PPP1R1C: variants seen among roughly 807,000 people sequenced by gnomAD.
PPP1R1C encodes the protein protein phosphatase 1 regulatory inhibitor subunit 1C.
PPP1R1C carries 15 observed loss-of-function variants against 17.4 expected under a neutral mutation model. The observed-to-expected ratio is 0.86, with a 90% CI of 0.58 to 1.33. The LOEUF (loss-of-function observed/expected upper bound fraction) is 1.33, where lower values mean the gene tolerates loss of function less well. Ranked by LOEUF, PPP1R1C falls within the 40% of genes most tolerant of loss-of-function variation. The pLI is 0.00. For synonymous variants in PPP1R1C, 35 were observed against 43.1 expected (o/e 0.81, Z 0.73); for missense variants, 143 against 130.0 (o/e 1.10, Z -0.48).
intron 2 of PPP1R1C, among the ~76,000 whole-genome samples, chr2:182,057,364 T>C (rs965337478): frequency 6.6e-6 from 1 of 152,036 alleles, no homozygotes; most frequent in Non-Finnish European, 1.5e-5. Context: ...AGGAGAGACA[T>C]GAATTGGGAA....
chr2:181,982,100 A>C (rs1685204043), upstream of PPP1R1C, among the ~76,000 whole-genome samples: 1 of 152,232 alleles, frequency 6.6e-6, no homozygotes, highest in African/African-American at 2.4e-5. Flanking sequence ...TACATTAAAA[A>C]GTTTAAAAAT....
intron 2 of PPP1R1C, among the ~76,000 whole-genome samples, chr2:182,004,805 G>T (rs1333624535): frequency 6.6e-6 from 1 of 152,210 alleles, no homozygotes; most frequent in Admixed American, 6.5e-5. Flanking sequence ...TGAGTGCATA[G>T]AGATTTAGTG....
intron 1 of PPP1R1C, among the ~76,000 whole-genome samples, chr2:181,956,050 C>A (rs1396791914): frequency 5.9e-5 from 9 of 152,148 alleles, no homozygotes; most frequent in Admixed American, 5.2e-4. Flanking sequence ...CACCTCCCCG[C>A]CGCCACCCCT....
chr2:182,077,594 T>C (rs542937299), intron 4 of PPP1R1C, among the ~76,000 whole-genome samples: 1 of 152,336 alleles, frequency 6.6e-6, no homozygotes, highest in South Asian at 2.1e-4. Flanking sequence ...AATTACTCAA[T>C]AGACCAGAGC....
At chr2:182,092,227 A>G (rs908615376) in intron 4 of PPP1R1C, among the ~76,000 whole-genome samples, 22 of 152,214 alleles carry the variant, frequency 1.4e-4, no homozygotes, top group African/African-American at 5.1e-4. Context: ...AGCAGCAGAC[A>G]GAAAGAGAAC....
intron 4 of PPP1R1C, among the ~76,000 whole-genome samples, chr2:182,111,320 CT>C (rs1388715658): frequency 6.6e-6 from 1 of 152,052 alleles, no homozygotes; most frequent in African/African-American, 2.4e-5. Flanking sequence ...CACGTTTATT[CT>C]TCTGCAAAGA....
intron 4 of PPP1R1C, among the ~76,000 whole-genome samples, chr2:182,098,248 C>A (rs1689001024): frequency 6.6e-6 from 1 of 152,042 alleles, no homozygotes; most frequent in African/African-American, 2.4e-5. Flanking sequence ...TGCATTTGTA[C>A]TTGTAGAAAT....
chr2:182,067,056 G>A (rs927789617), intron 4 of PPP1R1C, among the ~76,000 whole-genome samples: 4 of 151,666 alleles, frequency 2.6e-5, no homozygotes, highest in Admixed American at 1.3e-4. Flanking sequence ...TGATTTAAAC[G>A]GAAATTGGAA....
chr2:182,115,260 A>G (rs1293140084), intron 4 of PPP1R1C, among the ~76,000 whole-genome samples: 1 of 152,184 alleles, frequency 6.6e-6, no homozygotes, highest in Non-Finnish European at 1.5e-5. Flanking sequence ...GATAAATCCT[A>G]GAGAATGATG....
chr2:181,961,401 G>C lies in PPP1R1C; in HGVS notation n.111+6767G>C. ...TGTTCAGCAGAGCCTCGTACTCCCCGATCTGGTGCTGTCCCTCTGCCCGGC... is the reference window on the plus strand; with the variant it reads ...TGTTCAGCAGAGCCTCGTACTCCCCCATCTGGTGCTGTCCCTCTGCCCGGC... On this transcript the variant is annotated intron_variant and non_coding_transcript_variant, in intron 1 of 5. Transcript: ENST00000464264. The surrounding 1 kb of genome is among the most constrained non-coding windows in gnomAD (Gnocchi z 5.8). 1 of 726,590 alleles carries C rather than the reference G, an allele frequency of 1.4e-6. No homozygotes were observed. The highest frequency in any genetic ancestry group is 2.5e-6 in the Non-Finnish European group (1 of 406,152). 45.0% of individuals were successfully genotyped at this position (726,590 alleles called of 1,614,324 possible).
chr2:182,055,978 A>G (rs1687672730), intron 2 of PPP1R1C, among the ~76,000 whole-genome samples: 1 of 152,076 alleles, frequency 6.6e-6, no homozygotes, highest in African/African-American at 2.4e-5. Context: ...TTCCTTGTTA[A>G]TGTTCTTGAG....
intron 2 of PPP1R1C, among the ~76,000 whole-genome samples, chr2:182,038,850 G>C (rs1330920812): frequency 1.3e-5 from 2 of 152,196 alleles, no homozygotes; most frequent in Non-Finnish European, 2.9e-5. Context: ...AAGTAACAAG[G>C]ATGTGGGCAG....
chr2:181,957,929 T>C lies in PPP1R1C; in HGVS notation n.111+3295T>C, dbSNP rs1684698017. Among the ~76,000 whole-genome samples, 1 of 152,216 alleles carries C rather than the reference T, an allele frequency of 6.6e-6. No homozygotes were observed. Among genetic ancestry groups the C allele is most frequent in the Non-Finnish European group, 1.5e-5 (1 of 68,038 alleles). Reference sequence around the variant, plus strand: ...CTCCCAGAGTGTGTACTCATTTAATTAATGGAAGGCTTCGAAGGCTTAATT... The same window carrying C: ...CTCCCAGAGTGTGTACTCATTTAATCAATGGAAGGCTTCGAAGGCTTAATT... On this transcript the variant is annotated intron_variant and non_coding_transcript_variant, in intron 1 of 5. Transcript: ENST00000464264. This position sits in a 1 kb window ranked among gnomAD's most constrained non-coding sequence, Gnocchi z 4.2.
At chr2:182,100,746 C>T (rs1394031179) in intron 4 of PPP1R1C, among the ~76,000 whole-genome samples, 1 of 152,178 alleles carries the variant, frequency 6.6e-6, no homozygotes, top group Admixed American at 6.5e-5. Flanking sequence ...CTACTTCAGC[C>T]TCCACACCAG....
chr2:182,128,560 A>G (rs913150770), intron 5 of PPP1R1C, among the ~76,000 whole-genome samples: 6 of 152,122 alleles, frequency 3.9e-5, no homozygotes, highest in African/African-American at 1.4e-4. Flanking sequence ...AAGAGAAATG[A>G]TATCTGTGTG....
intron 4 of PPP1R1C, among the ~76,000 whole-genome samples, chr2:182,078,668 C>A (rs1469055238): frequency 2.0e-5 from 3 of 152,188 alleles, no homozygotes; most frequent in Non-Finnish European, 4.4e-5. Context: ...GGGCTTGAAT[C>A]CCAGCTCTGA....
rs1921145 is a variant in PPP1R1C at position 182,054,199 on chromosome 2, G to T, written c.143-7243G>T. On this transcript the variant is annotated intron_variant, in intron 2 of 4. Coordinates refer to ENST00000682840, the MANE Select transcript of PPP1R1C (RefSeq NM_001080545.3). ...TTTAACTTTTAATTTGGAAATAAAAGATTCACAGAAAGTTTTAAACATAGC... is the reference window on the plus strand; with the variant it reads ...TTTAACTTTTAATTTGGAAATAAAATATTCACAGAAAGTTTTAAACATAGC... Among the ~76,000 whole-genome samples, 392 of 152,264 alleles carry T rather than the reference G, an allele frequency of 2.6e-3. 2 individuals carry two copies. The highest frequency in any genetic ancestry group is 9.0e-3 in the African/African-American group (374 of 41,542).
At chr2:182,076,097 A>G (rs1386016685) in intron 4 of PPP1R1C, among the ~76,000 whole-genome samples, 1 of 141,426 alleles carries the variant, frequency 7.1e-6, no homozygotes, top group Admixed American at 7.2e-5. Flanking sequence ...GAAAAAGTTT[A>G]CTCTGTGATT....
intron 2 of PPP1R1C, among the ~76,000 whole-genome samples, chr2:181,992,611 G>A (rs765426664): frequency 7.4e-6 from 1 of 134,760 alleles, no homozygotes; most frequent in African/African-American, 2.8e-5. Context: ...GTGCAGATTT[G>A]GGTAAGTACC....
Sources: gnomAD v4.1 joint callset for allele counts (sites outside exome capture counted in the v4.1 genomes callset) on GRCh38, gnomAD v4.1.1 for gene constraint, Gnocchi (gnomAD v3.1) non-coding constraint, MANE v1.5 for transcripts, NCBI Gene and HGNC (gene_info 2026-07-23, HGNC 2026-07-21) for gene names.